PTPRD: variants seen among roughly 807,000 people sequenced by gnomAD.
PTPRD encodes protein tyrosine phosphatase receptor type D.
Under a neutral mutation model 214.5 loss-of-function variants are expected in PTPRD, and 34 were observed. The observed-to-expected ratio is 0.16, with a 90% CI of 0.12 to 0.21. The LOEUF is 0.21. PTPRD is among the 10% of genes least tolerant of loss of function. PTPRD has a pLI of 1.00. For missense variants in PTPRD, 2,545 were observed against 2,398.7 expected, an observed-to-expected ratio of 1.06 and a Z score of -1.27; for synonymous variants, 1,128 against 845.7, an observed-to-expected ratio of 1.33 and a Z score of -5.79.
intron 11 of PTPRD, among the ~76,000 whole-genome samples, chr9:8,817,933 A>C (rs1202293971): frequency 6.6e-6 from 1 of 152,208 alleles, no homozygotes; most frequent in African/African-American, 2.4e-5. Context: ...TTAGTTGCTC[A>C]GGGGTTTTTA....
chr9:8,848,508 T>C (rs1014306752), intron 11 of PTPRD, among the ~76,000 whole-genome samples: 5 of 109,010 alleles, frequency 4.6e-5, no homozygotes, highest in African/African-American at 3.7e-4. Context: ...GCAAATATTT[T>C]TTTTTTTTTT....
intron 12 of PTPRD, among the ~76,000 whole-genome samples, chr9:8,650,339 G>C (rs1167745991): frequency 6.6e-6 from 1 of 152,016 alleles, no homozygotes; most frequent in East Asian, 2.0e-4. Context: ...AGACCAGCCT[G>C]ACCAACATGG....
At chr9:9,748,249 C>T (rs2098478042) in intron 6 of PTPRD, among the ~76,000 whole-genome samples, 2 of 152,036 alleles carry the variant, frequency 1.3e-5, no homozygotes, top group South Asian at 4.1e-4. Context: ...CTTCTATGTC[C>T]TCTGTACTTT....
chr9:9,975,579 T>C (rs2095322802), intron 4 of PTPRD, among the ~76,000 whole-genome samples: 1 of 152,216 alleles, frequency 6.6e-6, no homozygotes, highest in African/African-American at 2.4e-5. Flanking sequence ...ACAGAGTACG[T>C]ATTTTAACAA....
At chr9:10,551,202 C>A (rs2061286598) in intron 2 of PTPRD, among the ~76,000 whole-genome samples, 1 of 152,022 alleles carries the variant, frequency 6.6e-6, no homozygotes, top group Non-Finnish European at 1.5e-5. Context: ...AGCCATGTAT[C>A]ATGTCACACA....
chr9:9,394,102 A>C (rs1034976476), intron 9 of PTPRD, among the ~76,000 whole-genome samples: 2 of 152,182 alleles, frequency 1.3e-5, no homozygotes, highest in Admixed American at 6.6e-5. Flanking sequence ...TATTATCCTA[A>C]AATATGATGT....
chr9:8,560,098 A>C (rs905757493), intron 14 of PTPRD, among the ~76,000 whole-genome samples: 1 of 152,196 alleles, frequency 6.6e-6, no homozygotes, highest in Non-Finnish European at 1.5e-5. Context: ...TTCTTTTCTT[A>C]GTGAGGAAAG....
intron 8 of PTPRD, among the ~76,000 whole-genome samples, chr9:9,565,155 G>T (rs1392748868): frequency 6.6e-6 from 1 of 151,460 alleles, no homozygotes; most frequent in Non-Finnish European, 1.5e-5. Flanking sequence ...AAAGTGGAAA[G>T]GATTATCTGA....
At chr9:8,774,863 T>C (rs2095406813) in intron 11 of PTPRD, among the ~76,000 whole-genome samples, 1 of 152,106 alleles carries the variant, frequency 6.6e-6, no homozygotes, top group Non-Finnish European at 1.5e-5. Context: ...GGAGAAAATA[T>C]ATTAGAGGTT....
At chr9:10,538,913 G>A (rs539967180) in intron 2 of PTPRD, among the ~76,000 whole-genome samples, 1 of 152,086 alleles carries the variant, frequency 6.6e-6, no homozygotes, top group African/African-American at 2.4e-5. Flanking sequence ...AGTTTAAGGT[G>A]TTTATAAATA....
chr9:8,430,416 G>A (rs1177739061), intron 35 of PTPRD, among the ~76,000 whole-genome samples: 4 of 150,164 alleles, frequency 2.7e-5, no homozygotes, highest in South Asian at 4.3e-4. Context: ...GACTACAGGT[G>A]CATGCCACCA....
chr9:8,472,105 A>G (rs187672006), intron 30 of PTPRD, among the ~76,000 whole-genome samples: 3 of 152,318 alleles, frequency 2.0e-5, no homozygotes, highest in Admixed American at 1.3e-4. Flanking sequence ...ACAGATCTGT[A>G]GAGATTAAAT....
At chr9:10,207,751 C>T (rs2154338943) in intron 3 of PTPRD, among the ~76,000 whole-genome samples, 1 of 151,232 alleles carries the variant, frequency 6.6e-6, no homozygotes, top group Non-Finnish European at 1.5e-5. Context: ...AATTCTCAAC[C>T]CCTTGAATAA....
chr9:10,268,496 G>C (rs2094227478), intron 3 of PTPRD, among the ~76,000 whole-genome samples: 1 of 152,140 alleles, frequency 6.6e-6, no homozygotes, highest in Middle Eastern at 3.4e-3. Context: ...TCCTTAGTTT[G>C]GCATTCAAGG....
Position 8,760,154 on chromosome 9 carries a change from C to T in PTPRD, c.-103-26208G>A, listed in dbSNP as rs547210647. The stretch of plus-strand genomic sequence containing the variant: ...CCACATTGGCCAGGCTGTTCTCAAA[C>T]TCCTGACCTCAGGTGATCCACCCAC... On this transcript the variant is annotated intron_variant, in intron 11 of 45. Coordinates refer to ENST00000381196, the MANE Select transcript of PTPRD (RefSeq NM_002839.4). 3.3e-5 allele frequency among the ~76,000 whole-genome samples: 5 copies of T among 152,334 alleles called. No homozygotes were observed. In the South Asian group the frequency reaches 1.0e-3, roughly 32 times the overall value.
intron 10 of PTPRD, among the ~76,000 whole-genome samples, chr9:9,066,544 CCAA>C (rs200233040): frequency 3.1e-5 from 4 of 128,622 alleles, no homozygotes; most frequent in East Asian, 3.5e-4. Context: ...CCTCATATGA[CCAA>C]CAACAACAAC....
intron 17 of PTPRD, 45 bp from the exon 18 acceptor site, chr9:8,525,080 G>A (rs937323193): frequency 6.6e-7 from 1 of 1,518,914 alleles, no homozygotes; most frequent in Non-Finnish European, 9.1e-7. Context: ...ATCAGAGAAG[G>A]CTTTCTCAGT....
chr9:9,986,754 T>C (rs1486800116), intron 4 of PTPRD, among the ~76,000 whole-genome samples: 2 of 152,182 alleles, frequency 1.3e-5, no homozygotes, highest in East Asian at 3.8e-4. Context: ...ACTTTTGTGA[T>C]TGAAATACTC....
At chr9:9,544,546 C>T (rs991508541) in intron 8 of PTPRD, among the ~76,000 whole-genome samples, 4 of 151,576 alleles carry the variant, frequency 2.6e-5, no homozygotes, top group African/African-American at 7.2e-5. Context: ...GAACATCTCT[C>T]GACTGTGTCT....
Sources: gnomAD v4.1 joint callset for allele counts (sites outside exome capture counted in the v4.1 genomes callset) on GRCh38, gnomAD v4.1.1 for gene constraint, MANE v1.5 for transcripts, NCBI Gene and HGNC (gene_info 2026-07-23, HGNC 2026-07-21) for gene names.